MYBPC2: variants seen among roughly 807,000 people sequenced by gnomAD.
MYBPC2 encodes the protein myosin-binding protein C, fast-type.
In MYBPC2, 122 loss-of-function variants were observed where a neutral mutation model predicts 137.0. That is an observed-to-expected ratio of 0.89 (90% CI 0.77 to 1.03). The LOEUF (loss-of-function observed/expected upper bound fraction) is 1.03. MYBPC2 is among the 50% of genes least tolerant of loss of function. MYBPC2 has a pLI of 0.00. For missense variants in MYBPC2, 1,500 were observed against 1,534.4 expected (o/e 0.98, Z 0.37); for synonymous variants, 626 against 612.3 (o/e 1.02, Z -0.33).
chr19:50,454,715 G>A (rs964690566), intron 18 of MYBPC2, among the ~76,000 whole-genome samples: 26 of 151,802 alleles, frequency 1.7e-4, no homozygotes, highest in African/African-American at 4.6e-4. Context: ...TGTCAGCCAC[G>A]GCACCAGCCT....
intron 13 of MYBPC2, among the ~76,000 whole-genome samples, chr19:50,450,417 G>A (rs575651647): frequency 9.9e-5 from 15 of 151,798 alleles, no homozygotes; most frequent in Non-Finnish European, 1.9e-4. Flanking sequence ...CACCATGCCC[G>A]GCCAAAGAAC....
chr19:50,449,623 C>T (rs1197180167), intron 13 of MYBPC2, among the ~76,000 whole-genome samples: 1 of 152,236 alleles, frequency 6.6e-6, no homozygotes, highest in African/African-American at 2.4e-5. Context: ...CAGGGAAAAG[C>T]CTCTGGCCAT....
chr19:50,458,654 G>A lies in MYBPC2; in HGVS notation c.2406G>A (p.Pro802=). ...ERCGFTVKNL[P]TGARILFRVV... ...GTGGCTTCACCGTCAAGAATCTCCC[G>A]ACCGGAGCCAGAATCCTCTTCCGAG... Residue 802 remains proline (P), a synonymous_variant, in exon 21 of 28, where the codon CCG becomes CCA. Transcript: ENST00000357701. The A allele has an allele frequency of 6.2e-7, 1 of 1,612,774 alleles. No individual in the cohort carries two copies. The highest frequency in any genetic ancestry group is 1.1e-5 in the South Asian group (1 of 91,074).
rs116004469 is a variant in MYBPC2, at chr19:50,450,598, G to A, written c.1473-231G>A. Reference sequence around the variant, plus strand: ...GCTTTACAACAACCTTGATGTAGATGGATATCATTACCCCTATTTTATAGA... The same window carrying A: ...GCTTTACAACAACCTTGATGTAGATAGATATCATTACCCCTATTTTATAGA... On this transcript the variant is annotated intron_variant, in intron 13 of 27. Transcript: ENST00000357701. Among the ~76,000 whole-genome samples, 384 of 152,228 alleles carry A rather than the reference G, an allele frequency of 2.5e-3. 4 individuals carry two copies. Among genetic ancestry groups the A allele is most frequent in the African/African-American group, 8.4e-3 (350 of 41,554 alleles).
intron 13 of MYBPC2, among the ~76,000 whole-genome samples, chr19:50,449,022 A>C (rs2039833063): frequency 6.6e-6 from 1 of 151,538 alleles, no homozygotes. Context: ...GAACCACCGC[A>C]CCTGTCCTGT....
At chr19:50,442,412 C>T in intron 9 of MYBPC2, 99 bp downstream of exon 9, 2 of 1,483,254 alleles carry the variant, frequency 1.3e-6, no homozygotes, top group South Asian at 1.3e-5. Context: ...AGGGCATATT[C>T]ACCCCTATAT....
rs200747650 is a variant in MYBPC2, at chr19:50,443,554, G to A, written c.963G>A (p.Ala321=). Residue 321 remains alanine, a synonymous_variant, in exon 10 of 28, where the codon GCG becomes GCA. Coordinates refer to ENST00000357701, the MANE Select transcript of MYBPC2 (RefSeq NM_004533.4). ...RILTINKCTL[A]DDAAYEVAVK... is the part of the protein sequence containing the mutation. ...TTACCATCAACAAGTGCACGCTGGCGGATGACGCTGCCTATGAAGTAGCTG... is the reference window on the plus strand; with the variant it reads ...TTACCATCAACAAGTGCACGCTGGCAGATGACGCTGCCTATGAAGTAGCTG... 698 of 1,612,874 alleles carry A rather than the reference G, an allele frequency of 4.3e-4. 2 individuals are homozygous for A. The African/African-American group carries it at 7.9e-3, about 18-fold the overall frequency.
At chr19:50,434,809 C>G (rs990086592) in intron 1 of MYBPC2, among the ~76,000 whole-genome samples, 1 of 152,178 alleles carries the variant, frequency 6.6e-6, no homozygotes, top group Non-Finnish European at 1.5e-5. Context: ...CGGTCAGCAC[C>G]AGGTGTCCAG....
At chr19:50,447,780 C>T (rs1273822900) in intron 12 of MYBPC2, among the ~76,000 whole-genome samples, 2 of 152,128 alleles carry the variant, frequency 1.3e-5, no homozygotes, top group South Asian at 2.1e-4. Flanking sequence ...TCACTTGTAC[C>T]CGGGGGGTGG....
At position 50,455,544 on chromosome 19, in the gene MYBPC2, G is replaced by A. The variant is rs377517552; in HGVS notation, c.2238G>A (p.Glu746=). Residue 746 remains glutamate (E), a synonymous_variant, in exon 20 of 28, where the codon GAG becomes GAA. Transcript: ENST00000357701. ...GTGAACCCCTGCACCTGATAGTGGA[G>A]GATGTGACAGACACCACCACCACAC... ...PTSEPLHLIV[E]DVTDTTTTLK... 22 of 1,613,836 alleles carry A rather than the reference G, an allele frequency of 1.4e-5. No individual in the cohort carries two copies. In the East Asian group the frequency reaches 3.8e-4, roughly 28 times the overall value.
chr19:50,450,949 T>A lies in MYBPC2; in HGVS notation c.1579+14T>A, dbSNP rs1281344902. On this transcript the variant is annotated intron_variant, in intron 14 of 27. Transcript: ENST00000357701. ...TCAACTTCCTGGGTGAGGATGCCCC[T>A]TCCTCCTTCCCTGGGGGCTGTAGGA... is the stretch of plus-strand genomic sequence containing the variant. 6.4e-7 allele frequency: 1 copy of A among 1,552,944 alleles called. No homozygotes were observed. Among genetic ancestry groups the A allele is most frequent in the Non-Finnish European group, 8.7e-7 (1 of 1,147,058 alleles).
chr19:50,464,574 G>C (rs772494445), intron 27 of MYBPC2, 42 bp downstream of exon 27: 9 of 1,552,072 alleles, frequency 5.8e-6, no homozygotes, highest in South Asian at 3.6e-5. Context: ...ACCCTTGCTC[G>C]GGCCCTGTGC....
intron 11 of MYBPC2, among the ~76,000 whole-genome samples, chr19:50,444,600 G>A (rs979125646): frequency 3.3e-5 from 5 of 152,170 alleles, no homozygotes; most frequent in African/African-American, 1.2e-4. Context: ...TGTCAACATG[G>A]CCGGGCGCGG....
intron 12 of MYBPC2, among the ~76,000 whole-genome samples, 187 bp from the exon 13 acceptor site, chr19:50,448,038 C>T (rs549925573): frequency 1.3e-5 from 2 of 152,232 alleles, no homozygotes; most frequent in African/African-American, 4.8e-5. Flanking sequence ...CTCGCTCCCT[C>T]CTCTGTTTCT....
chr19:50,436,792 T>G (rs2039708531), intron 5 of MYBPC2, 58 bp downstream of exon 5: 1 of 1,517,662 alleles, frequency 6.6e-7, no homozygotes, highest in Non-Finnish European at 9.1e-7. Flanking sequence ...GGTGGACAGA[T>G]GTACCAGCCA....
rs528105797 is a variant in MYBPC2 at position 50,456,504 on chromosome 19, C to T, written c.2338+860C>T. Among the ~76,000 whole-genome samples the T allele has an allele frequency of 2.0e-5, 3 of 149,592 alleles. No individual in the cohort carries two copies. The South Asian group carries it at 6.3e-4, about 31-fold the overall frequency. On this transcript the variant is annotated intron_variant, in intron 20 of 27. Transcript: ENST00000357701. The stretch of plus-strand genomic sequence containing the variant: ...CTAGAGTGCAGTGGCACGATTGGCT[C>T]ACTGCAAGCTCCACCTTCCAGGTTC...
chr19:50,460,204 G>T (rs1158790692), intron 24 of MYBPC2, 25 bp downstream of exon 24: 2 of 1,587,734 alleles, frequency 1.3e-6, no homozygotes, highest in South Asian at 2.3e-5. Flanking sequence ...GGGGAGATGG[G>T]GAAGAGCCGG....
rs1234598725 is a variant in MYBPC2 at position 50,460,174 on chromosome 19, A to C, written c.2926A>C (p.Thr976Pro). The C allele has an allele frequency of 6.2e-7, 1 of 1,603,376 alleles. No individual in the cohort carries two copies. Residue 976 changes from threonine to proline, a missense_variant, in exon 24 of 28, where the codon ACC becomes CCC. By Grantham distance (38) the Thr-to-Pro change is conservative. Transcript: ENST00000357701. Reference sequence around the variant, plus strand: ...TTTCGTCCAGAAAGCAGACAAAAAAACCATGGTGAGAGAGCAGAGGGGGAG... The same window carrying C: ...TTTCGTCCAGAAAGCAGACAAAAAACCCATGGTGAGAGAGCAGAGGGGGAG... ...GYFVQKADKK[T>P]MEWFNVYERN...
Position 50,458,588 on chromosome 19 carries a change from C to T in MYBPC2, c.2340C>T (p.Ser780=), listed in dbSNP as rs768717495. 5 of 1,611,506 alleles carry T rather than the reference C, an allele frequency of 3.1e-6. No homozygotes were observed. In the South Asian group the frequency reaches 5.5e-5, roughly 18 times the overall value. The change falls in exon 21 of 28, where the codon TCC becomes TCT. Residue 780 remains serine, a splice_region_variant and synonymous_variant. Transcript: ENST00000357701. ...GYLVEYCLEG[S]EEWVPANTEP... ...CGCCAGCAGGGCCTCTCTCTCCAGC[C>T]GAGGAATGGGTCCCTGCCAACACCG...
Sources: gnomAD v4.1 joint callset for allele counts (sites outside exome capture counted in the v4.1 genomes callset) on GRCh38, gnomAD v4.1.1 for gene constraint, MANE v1.5 for transcripts, NCBI Gene and HGNC (gene_info 2026-07-23, HGNC 2026-07-21) for gene names.